ZMYND8: variants seen among roughly 807,000 people sequenced by gnomAD.
The protein encoded by ZMYND8 is zinc finger MYND-type containing 8, also known as MYND-type zinc finger-containing chromatin reader ZMYND8.
Under a neutral mutation model 140.8 loss-of-function variants are expected in ZMYND8, and 37 were observed. The observed-to-expected ratio is 0.26, with a 90% CI of 0.20 to 0.35. ZMYND8 has a LOEUF of 0.35. ZMYND8 is among the 10% of genes least tolerant of loss of function. The pLI, the probability that ZMYND8 is intolerant of heterozygous loss-of-function variation, is 1.00. For synonymous variants in ZMYND8, 592 were observed against 597.1 expected, an observed-to-expected ratio of 0.99 and a Z score of 0.12; for missense variants, 1,068 against 1,570.0, an observed-to-expected ratio of 0.68 and a Z score of 5.40.
chr20:47,294,113 C>T (rs938715527), intron 5 of ZMYND8, among the ~76,000 whole-genome samples: 19 of 151,770 alleles, frequency 1.3e-4, no homozygotes, highest in Non-Finnish European at 1.9e-4. Context: ...ATTGGGAGGC[C>T]GAGGCTGGAG....
At chr20:47,350,903 C>A (rs2148623726) in intron 1 of ZMYND8, among the ~76,000 whole-genome samples, 1 of 152,296 alleles carries the variant, frequency 6.6e-6, no homozygotes, top group South Asian at 2.1e-4. Flanking sequence ...CAAACAATTT[C>A]TCACTCCAAT....
At position 47,246,072 on chromosome 20, in the gene ZMYND8, G is replaced by C; in HGVS notation, c.2220C>G (p.Asp740Glu). Reference protein sequence around the residue: ...ESELVIDLGEDHSGREGRKNK... With the variant: ...ESELVIDLGEEHSGREGRKNK... ...TTTTTCGACCCTCCCGCCCAGAATG[G>C]TCTTCTCCTAAATCTATGACAAGTT... Residue 740 changes from aspartate to glutamate, a missense_variant, in exon 14 of 23, where the codon GAC (aspartate) becomes GAG (glutamate). This residue lies in a region of ZMYND8 where 383 missense variants were observed against 431.2 expected (regional missense o/e 0.89). Transcript: ENST00000471951. 1.9e-6 allele frequency: 3 copies of C among 1,614,012 alleles called. No individual in the cohort carries two copies. The East Asian group carries it at 6.7e-5, about 36-fold the overall frequency.
chr20:47,252,032 C>T (rs930174412), intron 12 of ZMYND8, among the ~76,000 whole-genome samples: 7 of 151,752 alleles, frequency 4.6e-5, no homozygotes, highest in Non-Finnish European at 2.9e-5. Context: ...CAGCAGTTCA[C>T]GCCTGTAATC....
rs2083259439 is a variant in ZMYND8, at chr20:47,356,596, G to A, written c.14+61C>T. On this transcript the variant is annotated intron_variant, in intron 1 of 22. Transcript: ENST00000471951. ...CAGCCACAGAGAAATCACACTGCTC[G>A]CCCACAATTCGGATGTCTCAGAGGG... 22 of 1,613,964 alleles carry A rather than the reference G, an allele frequency of 1.4e-5. No homozygotes were observed. In the South Asian group the frequency reaches 2.1e-4, roughly 15 times the overall value.
intron 3 of ZMYND8, among the ~76,000 whole-genome samples, chr20:47,299,514 G>C (rs560438846): frequency 6.6e-6 from 1 of 152,278 alleles, no homozygotes; most frequent in South Asian, 2.1e-4. Flanking sequence ...TCAAATGGCA[G>C]ACATTTAGAG....
intron 2 of ZMYND8, among the ~76,000 whole-genome samples, chr20:47,322,989 GTGCTGGCACCTGCCAGC>G (rs2080102039): frequency 6.6e-6 from 1 of 152,152 alleles, no homozygotes; most frequent in African/African-American, 2.4e-5. Context: ...CTGAATCCAG[GTGCTGGCACCTGCCAGC>G]TGTGTGACCT....
chr20:47,288,415 T>G (rs1226955247), intron 7 of ZMYND8, among the ~76,000 whole-genome samples: 1 of 132,874 alleles, frequency 7.5e-6, no homozygotes, highest in Non-Finnish European at 1.6e-5. Context: ...TTTTTTGAGA[T>G]GGAGTCTCGT....
intron 2 of ZMYND8, among the ~76,000 whole-genome samples, chr20:47,330,764 G>A (rs1167184042): frequency 6.6e-6 from 1 of 152,110 alleles, no homozygotes; most frequent in South Asian, 2.1e-4. Flanking sequence ...ATCCTCTCTC[G>A]CCGAAAGGCT....
Position 47,261,588 on chromosome 20 carries a change from TCATC to T in ZMYND8, c.1621+696_1621+699del, listed in dbSNP as rs879402308. Among the ~76,000 whole-genome samples the T allele has an allele frequency of 4.8e-3, 429 of 88,888 alleles. 2 individuals are homozygous for T. Among genetic ancestry groups the T allele is most frequent in the Middle Eastern group, 0.047 (8 of 172 alleles). 58.3% of individuals were successfully genotyped at this position (88,888 alleles called of 152,430 possible). Reference sequence around the variant, plus strand: ...ATCATCATCATCATCATCATCATCATCATCATCCAGGGAATAAAGACCAGAGTGT... The same window carrying T: ...ATCATCATCATCATCATCATCATCATATCCAGGGAATAAAGACCAGAGTGT... On this transcript the variant is annotated intron_variant, in intron 12 of 22. Coordinates refer to ENST00000471951, the MANE Select transcript of ZMYND8 (RefSeq NM_001281775.3).
At chr20:47,342,381 C>T (rs111859051) in intron 2 of ZMYND8, among the ~76,000 whole-genome samples, 3,936 of 142,080 alleles carry the variant, frequency 0.028, 131 homozygotes, top group African/African-American at 0.098. Flanking sequence ...CCTGCCTCTA[C>T]TAAAAATACA....
intron 21 of ZMYND8, among the ~76,000 whole-genome samples, chr20:47,218,042 T>C (rs2036374544): frequency 6.6e-6 from 1 of 152,186 alleles, no homozygotes; most frequent in Admixed American, 6.5e-5. Flanking sequence ...ATATTATCTA[T>C]GTCTACTTTC....
chr20:47,290,583 GTT>G (rs71183240), intron 6 of ZMYND8, among the ~76,000 whole-genome samples: 956 of 64,164 alleles, frequency 0.015, 3 homozygotes, highest in African/African-American at 0.025. Context: ...TATTTATTTA[GTT>G]TTTTTTTTTT....
chr20:47,212,971 A>T (rs527329812), intron 21 of ZMYND8, among the ~76,000 whole-genome samples: 1 of 152,354 alleles, frequency 6.6e-6, no homozygotes, highest in Non-Finnish European at 1.5e-5. Context: ...AATAAGGTAT[A>T]CAATGACATA....
At chr20:47,261,284 C>G (rs2075132959) in intron 12 of ZMYND8, among the ~76,000 whole-genome samples, 1 of 152,082 alleles carries the variant, frequency 6.6e-6, no homozygotes, top group African/African-American at 2.4e-5. Context: ...TGCCTGTAAT[C>G]TCAGCACTTT....
At chr20:47,215,308 G>C (rs1210242266) in intron 21 of ZMYND8, among the ~76,000 whole-genome samples, 1 of 152,124 alleles carries the variant, frequency 6.6e-6, no homozygotes, top group Non-Finnish European at 1.5e-5. Flanking sequence ...GGGAAGCAGA[G>C]GTTGCAGTGA....
intron 8 of ZMYND8, among the ~76,000 whole-genome samples, chr20:47,286,510 A>G (rs2076933530): frequency 6.6e-6 from 1 of 152,094 alleles, no homozygotes; most frequent in South Asian, 2.1e-4. Flanking sequence ...CTATCTATCT[A>G]TCTGGATATA....
At chr20:47,327,074 C>T (rs922006544) in intron 2 of ZMYND8, among the ~76,000 whole-genome samples, 11 of 152,112 alleles carry the variant, frequency 7.2e-5, no homozygotes, top group African/African-American at 2.4e-4. Context: ...GCACTACTTA[C>T]AGCTGATGCG....
In ZMYND8 at chr20:47,315,921, G is replaced by C. The variant is rs1344407257; in HGVS notation, c.86-5717C>G. The stretch of plus-strand genomic sequence containing the variant: ...GGGAGGAATGCAGCCTTATGGAGAG[G>C]ACAGAGCAGTGACTCAGGAAAACAG... On this transcript the variant is annotated intron_variant, in intron 2 of 22. Coordinates refer to ENST00000471951, the MANE Select transcript of ZMYND8 (RefSeq NM_001281775.3). Among the ~76,000 whole-genome samples the C allele has an allele frequency of 2.0e-5, 3 of 152,302 alleles. No homozygotes were observed. In the East Asian group the frequency reaches 5.8e-4, roughly 29 times the overall value.
intron 1 of ZMYND8, chr20:47,348,960 T>G (rs1178254401): frequency 6.6e-6 from 1 of 152,140 alleles, no homozygotes; most frequent in East Asian, 1.9e-4. Flanking sequence ...AAGAAATGGG[T>G]GCATCACCAA....
Sources: allele counts gnomAD v4.1 joint callset (sites outside exome capture counted in the v4.1 genomes callset), GRCh38; gene constraint gnomAD v4.1.1; regional missense constraint gnomAD v4.1.1; transcripts MANE v1.5; gene names NCBI Gene and HGNC (gene_info 2026-07-23, HGNC 2026-07-21).